PDSS2: variants seen among roughly 807,000 people sequenced by gnomAD.
PDSS2 encodes decaprenyl diphosphate synthase subunit 2, also known as all trans-polyprenyl-diphosphate synthase PDSS2.
Under a neutral mutation model 44.5 loss-of-function variants are expected in PDSS2, and 31 were observed. The ratio of observed to expected loss-of-function variants is 0.70; its 90% CI spans 0.52 to 0.94. The LOEUF (loss-of-function observed/expected upper bound fraction) is 0.94, where lower values mean the gene tolerates loss of function less well. Among genes scored for constraint, PDSS2 ranks in the 40% least tolerant of loss-of-function variants. PDSS2 has a pLI of 0.00. For missense variants in PDSS2, 452 were observed against 482.2 expected (o/e 0.94, Z 0.59); for synonymous variants, 157 against 180.3 (o/e 0.87, Z 1.03).
chr6:107,316,356 A>C (rs1170305913), intron 2 of PDSS2, among the ~76,000 whole-genome samples: 5 of 152,190 alleles, frequency 3.3e-5, no homozygotes, highest in Non-Finnish European at 7.3e-5. Context: ...AAAATATAAT[A>C]AACTTTTAGA....
intron 1 of PDSS2, among the ~76,000 whole-genome samples, chr6:107,401,199 A>C (rs1381944085): frequency 6.6e-6 from 1 of 152,166 alleles, no homozygotes; most frequent in Non-Finnish European, 1.5e-5. Context: ...TGCAACCTTT[A>C]CTATTACCAT....
At chr6:107,328,936 C>T (rs1456536956) in intron 2 of PDSS2, among the ~76,000 whole-genome samples, 5 of 152,172 alleles carry the variant, frequency 3.3e-5, no homozygotes, top group Non-Finnish European at 7.3e-5. Flanking sequence ...TCAAAGGACC[C>T]AGTGGGTTCA....
chr6:107,196,810 G>A (rs1196522572), intron 6 of PDSS2, among the ~76,000 whole-genome samples: 2 of 152,158 alleles, frequency 1.3e-5, no homozygotes, highest in Non-Finnish European at 2.9e-5. Flanking sequence ...GAGGGGAGAG[G>A]GGCTGAAGGT....
intron 1 of PDSS2, among the ~76,000 whole-genome samples, chr6:107,401,194 C>T (rs1297432224): frequency 6.6e-6 from 1 of 152,130 alleles, no homozygotes; most frequent in African/African-American, 2.4e-5. Context: ...CTTTGTGCAA[C>T]CTTTACTATT....
intron 7 of PDSS2, among the ~76,000 whole-genome samples, chr6:107,165,821 T>TC (rs1771323075): frequency 6.6e-6 from 1 of 152,216 alleles, no homozygotes; most frequent in East Asian, 1.9e-4. Context: ...TCCATTTGTT[T>TC]GTGTCTTCTT....
intron 4 of PDSS2, among the ~76,000 whole-genome samples, chr6:107,225,128 T>C (rs1773744653): frequency 1.7e-5 from 1 of 57,852 alleles, no homozygotes; most frequent in Non-Finnish European, 2.7e-5. Context: ...CTTCACTATA[T>C]ATATATTTTT....
At chr6:107,219,387 A>G (rs945731113) in intron 4 of PDSS2, among the ~76,000 whole-genome samples, 1 of 152,116 alleles carries the variant, frequency 6.6e-6, no homozygotes, top group African/African-American at 2.4e-5. Flanking sequence ...TCCCAGGTTC[A>G]AGCAATTCTC....
intron 4 of PDSS2, among the ~76,000 whole-genome samples, chr6:107,227,281 T>TTC (rs2114714420): frequency 3.1e-5 from 1 of 32,660 alleles, no homozygotes; most frequent in African/African-American, 1.3e-4. Flanking sequence ...CTGTGCCCTT[T>TTC]TTTTTTTTTT....
At chr6:107,268,141 C>G (rs1411824974) in intron 3 of PDSS2, among the ~76,000 whole-genome samples, 1 of 151,974 alleles carries the variant, frequency 6.6e-6, no homozygotes, top group Non-Finnish European at 1.5e-5. Context: ...CCATGATGAC[C>G]TACAATAAAA....
rs1266510844 is a variant in PDSS2, at chr6:107,459,121, C to G, written c.165G>C (p.Glu55Asp). The G allele has an allele frequency of 6.2e-7, 1 of 1,614,038 alleles. No homozygotes were observed. The highest frequency in any genetic ancestry group is 8.5e-7 in the Non-Finnish European group (1 of 1,180,054). Residue 55 changes from glutamate (E) to aspartate (D), a missense_variant, in exon 1 of 8, where the codon GAG (glutamate) becomes GAC (aspartate). By Grantham distance (45) the Glu-to-Asp change is conservative (BLOSUM62 2). Transcript: ENST00000369037. This position sits in a 1 kb window ranked among gnomAD's most constrained non-coding sequence, Gnocchi z 4.3. ...SPAHWNQVVS[E>D]AEKIVGYPTS... ...TGGGGTACCCCACGATCTTCTCCGC[C>G]TCTGACACTACCTGATTCCAGTGGG...
At chr6:107,390,084 G>A (rs573659710) in intron 1 of PDSS2, among the ~76,000 whole-genome samples, 10 of 152,224 alleles carry the variant, frequency 6.6e-5, no homozygotes, top group African/African-American at 2.4e-4. Context: ...GATAAATGGG[G>A]AGAAAAGAGA....
At chr6:107,286,008 C>T (rs1395877710) in intron 2 of PDSS2, among the ~76,000 whole-genome samples, 1 of 151,750 alleles carries the variant, frequency 6.6e-6, no homozygotes, top group Non-Finnish European at 1.5e-5. Context: ...GGCTTGGTGG[C>T]GGGTGCCTGT....
At chr6:107,405,861 AAAAAAGATACAG>A (rs1780301437) in intron 1 of PDSS2, among the ~76,000 whole-genome samples, 1 of 151,872 alleles carries the variant, frequency 6.6e-6, no homozygotes, top group African/African-American at 2.4e-5. Flanking sequence ...AAAAAAAAAA[AAAAAAGATACAG>A]AATGGTGGAA....
chr6:107,430,707 G>C (rs949484522), intron 1 of PDSS2, among the ~76,000 whole-genome samples: 6 of 151,806 alleles, frequency 4.0e-5, no homozygotes, highest in African/African-American at 1.5e-4. Flanking sequence ...TACTCAGGAG[G>C]CTGAGGTTGG....
intron 6 of PDSS2, among the ~76,000 whole-genome samples, chr6:107,200,802 G>T (rs943493109): frequency 2.6e-5 from 4 of 152,008 alleles, no homozygotes; most frequent in African/African-American, 9.7e-5. Context: ...TAGTAGCTGG[G>T]ATTATAGGTG....
chr6:107,298,493 A>G (rs1776584283), intron 2 of PDSS2, among the ~76,000 whole-genome samples: 1 of 152,212 alleles, frequency 6.6e-6, no homozygotes, highest in Non-Finnish European at 1.5e-5. Context: ...ACCATTTTAT[A>G]TCAGGGACTT....
intron 1 of PDSS2, among the ~76,000 whole-genome samples, chr6:107,440,114 A>G (rs1002579259): frequency 8.5e-5 from 13 of 152,182 alleles, no homozygotes; most frequent in African/African-American, 2.4e-5. Flanking sequence ...GTGTCCCTAT[A>G]TGGTACACTC....
chr6:107,303,248 C>CAA (rs1776754743), intron 2 of PDSS2, among the ~76,000 whole-genome samples: 1 of 152,172 alleles, frequency 6.6e-6, no homozygotes, highest in Non-Finnish European at 1.5e-5. Context: ...TTCATGAGAG[C>CAA]TCCATGATTC....
At chr6:107,227,278 CT>C (rs60988844) in intron 4 of PDSS2, among the ~76,000 whole-genome samples, 65 of 102,766 alleles carry the variant, frequency 6.3e-4, no homozygotes, top group African/African-American at 2.2e-3. Flanking sequence ...CCACTGTGCC[CT>C]TTTTTTTTTT....
Sources: allele counts gnomAD v4.1 joint callset (sites outside exome capture counted in the v4.1 genomes callset), GRCh38; gene constraint gnomAD v4.1.1; non-coding constraint Gnocchi (gnomAD v3.1); transcripts MANE v1.5; gene names NCBI Gene and HGNC (gene_info 2026-07-23, HGNC 2026-07-21).